Variants in UMAD1 observed in about 807,000 individuals in gnomAD.
UMAD1 encodes UBAP1-MVB12-associated (UMA) domain containing 1.
In UMAD1, 8 loss-of-function variants were observed where a neutral mutation model predicts 6.1. That is an observed-to-expected ratio of 1.30 (90% confidence interval 0.76 to 2.35). The LOEUF (loss-of-function observed/expected upper bound fraction) is 2.35, where lower values mean the gene tolerates loss of function less well. Among genes scored for constraint, UMAD1 ranks in the 30% most tolerant of loss-of-function variants. The pLI, the probability that UMAD1 is intolerant of heterozygous loss-of-function variation, is 0.00. For missense variants in UMAD1, 130 were observed against 78.4 expected (o/e 1.66, Z -2.49); for synonymous variants, 56 against 31.4 (o/e 1.78, Z -2.61).
At chr7:7,859,161 A>G (rs999950324) in intron 3 of UMAD1, among the ~76,000 whole-genome samples, 16 of 152,230 alleles carry the variant, frequency 1.1e-4, no homozygotes, top group African/African-American at 3.9e-4. Flanking sequence ...GGCATATATT[A>G]TAATAATTTT....
chr7:7,694,347 GT>G lies in UMAD1; in HGVS notation c.82+20895del, dbSNP rs1780254667. Among the ~76,000 whole-genome samples, 5 of 152,126 alleles carry G rather than the reference GT, an allele frequency of 3.3e-5. No individual in the cohort carries two copies. The South Asian group carries it at 1.0e-3, about 32-fold the overall frequency. On this transcript the variant is annotated intron_variant, in intron 2 of 3. Coordinates refer to ENST00000682710, the MANE Select transcript of UMAD1 (RefSeq NM_001302348.2). ...TCAGGGTAAATGGGATATCCATCAC[GT>G]CAAGCATTTATCATTTTTTTGTGAT... is the stretch of plus-strand genomic sequence containing the variant.
intron 3 of UMAD1, among the ~76,000 whole-genome samples, chr7:7,802,915 T>C (rs551531106): frequency 1.3e-5 from 2 of 152,346 alleles, no homozygotes; most frequent in South Asian, 4.1e-4. Flanking sequence ...ACAAATATTT[T>C]GCAATCAAGG....
intron 1 of UMAD1, among the ~76,000 whole-genome samples, chr7:7,652,401 A>C (rs185063644): frequency 6.6e-6 from 1 of 152,296 alleles, no homozygotes; most frequent in East Asian, 1.9e-4. Context: ...GTGTTTCTTT[A>C]CATACATTTT....
intron 2 of UMAD1, chr7:7,675,962 A>G (rs1445569490): frequency 2.6e-6 from 1 of 391,792 alleles, no homozygotes; most frequent in East Asian, 3.6e-5. Context: ...CATTTTCATA[A>G]AATCCTCTGT....
intron 2 of UMAD1, among the ~76,000 whole-genome samples, chr7:7,687,929 G>C (rs2115132617): frequency 6.6e-6 from 1 of 152,302 alleles, no homozygotes; most frequent in Middle Eastern, 3.4e-3. Flanking sequence ...TGCACCAGCT[G>C]AAAATATGCT....
chr7:7,870,350 G>A (rs1784311198), intron 3 of UMAD1, among the ~76,000 whole-genome samples: 1 of 152,126 alleles, frequency 6.6e-6, no homozygotes, highest in Non-Finnish European at 1.5e-5. Context: ...CATTATGATA[G>A]CATTTCTGTG....
chr7:7,652,730 A>G (rs1785251159), intron 1 of UMAD1, among the ~76,000 whole-genome samples: 1 of 152,242 alleles, frequency 6.6e-6, no homozygotes, highest in Non-Finnish European at 1.5e-5. Context: ...TGTTGGTTGA[A>G]TGAATTAAAT....
chr7:7,810,768 T>A lies in UMAD1; in HGVS notation c.156+9025T>A, dbSNP rs191139588. Among the ~76,000 whole-genome samples the A allele has an allele frequency of 3.9e-5, 6 of 152,348 alleles. No individual in the cohort carries two copies. In the East Asian group the frequency reaches 1.2e-3, roughly 29 times the overall value. On this transcript the variant is annotated intron_variant, in intron 3 of 3. Coordinates refer to ENST00000682710, the MANE Select transcript of UMAD1 (RefSeq NM_001302348.2). ...ACTCAAGGATAGTTTTTGCAAGAACTATTTTGTGTGATAGTAAAATAGTGA... is the reference window on the plus strand; with the variant it reads ...ACTCAAGGATAGTTTTTGCAAGAACAATTTTGTGTGATAGTAAAATAGTGA...
chr7:7,778,896 A>G (rs571080092), intron 2 of UMAD1, among the ~76,000 whole-genome samples: 3 of 152,200 alleles, frequency 2.0e-5, no homozygotes, highest in Admixed American at 1.3e-4. Context: ...GCTAATAGCA[A>G]TTTATACTTA....
intron 3 of UMAD1, among the ~76,000 whole-genome samples, chr7:7,828,617 G>C (rs558334093): frequency 1.1e-4 from 16 of 152,340 alleles, no homozygotes; most frequent in African/African-American, 3.6e-4. Context: ...CTAAGGGGCT[G>C]CCTGTAAAGG....
chr7:7,704,829 T>C (rs886812439), intron 2 of UMAD1, among the ~76,000 whole-genome samples: 3 of 142,826 alleles, frequency 2.1e-5, no homozygotes, highest in Non-Finnish European at 4.6e-5. Flanking sequence ...GTTTAACTTA[T>C]AGATTGTCTT....
At chr7:7,823,959 G>A (rs1291053003) in intron 3 of UMAD1, among the ~76,000 whole-genome samples, 2 of 152,100 alleles carry the variant, frequency 1.3e-5, no homozygotes, top group Non-Finnish European at 2.9e-5. Context: ...ACCTTTGAAA[G>A]AGTGAATTCA....
intron 1 of UMAD1, among the ~76,000 whole-genome samples, chr7:7,653,512 A>T (rs1314540214): frequency 6.6e-6 from 1 of 152,204 alleles, no homozygotes; most frequent in Non-Finnish European, 1.5e-5. Context: ...TTACAAAAAA[A>T]ACCTCTTGAA....
intron 3 of UMAD1, among the ~76,000 whole-genome samples, chr7:7,863,109 A>C (rs910190569): frequency 1.3e-5 from 2 of 152,196 alleles, no homozygotes; most frequent in Admixed American, 1.3e-4. Flanking sequence ...ATCTGGACAC[A>C]GGGGATACAT....
At chr7:7,788,867 A>G (rs1009903372) in intron 2 of UMAD1, among the ~76,000 whole-genome samples, 1 of 152,220 alleles carries the variant, frequency 6.6e-6, no homozygotes, top group Admixed American at 6.5e-5. Context: ...AAATCTAGGT[A>G]TTTTGCTCTA....
intron 2 of UMAD1, among the ~76,000 whole-genome samples, chr7:7,748,103 ATTT>A (rs35368211): frequency 7.1e-6 from 1 of 140,162 alleles, no homozygotes; most frequent in Non-Finnish European, 1.5e-5. Context: ...CGCCCAGCTA[ATTT>A]TTTTTTTTTT....
At chr7:7,658,945 T>G (rs911025390) in intron 1 of UMAD1, among the ~76,000 whole-genome samples, 8 of 152,168 alleles carry the variant, frequency 5.3e-5, no homozygotes, top group African/African-American at 1.9e-4. Context: ...TGGACTTTTT[T>G]TGGTTGGTAG....
At chr7:7,856,754 C>G (rs1223109576) in intron 3 of UMAD1, among the ~76,000 whole-genome samples, 1 of 152,104 alleles carries the variant, frequency 6.6e-6, no homozygotes, top group Non-Finnish European at 1.5e-5. Flanking sequence ...GTAAGCCATA[C>G]TAGGGGACAA....
At chr7:7,831,555 G>A (rs570580853) in intron 3 of UMAD1, among the ~76,000 whole-genome samples, 223 of 152,188 alleles carry the variant, frequency 1.5e-3, no homozygotes, top group African/African-American at 4.9e-3. Context: ...TTGTTTTTAG[G>A]CTCTTTTTTG....
Sources: allele counts gnomAD v4.1 joint callset (sites outside exome capture counted in the v4.1 genomes callset), GRCh38; gene constraint gnomAD v4.1.1; transcripts MANE v1.5; gene names NCBI Gene and HGNC (gene_info 2026-07-23, HGNC 2026-07-21).